The following SORCS2 variants were observed in gnomAD, a reference collection of about 807,000 sequenced individuals.
SORCS2 encodes the protein sortilin related VPS10 domain containing receptor 2.
SORCS2 carries 100 observed loss-of-function variants against 141.6 expected under a neutral mutation model. The ratio of observed to expected loss-of-function variants is 0.71; its 90% CI spans 0.60 to 0.83. SORCS2 has a LOEUF of 0.83. SORCS2 is among the 40% of genes least tolerant of loss of function. SORCS2 has a pLI of 0.00. For synonymous variants in SORCS2, 789 were observed against 676.9 expected, an observed-to-expected ratio of 1.17 and a Z score of -2.57; for missense variants, 1,646 against 1,560.2, an observed-to-expected ratio of 1.05 and a Z score of -0.93.
At chr4:7,250,314 G>A (rs1713407498) in intron 1 of SORCS2, among the ~76,000 whole-genome samples, 2 of 152,064 alleles carry the variant, frequency 1.3e-5, no homozygotes, top group Admixed American at 1.3e-4. Flanking sequence ...CCACCACCTG[G>A]GCCTCTTTGT....
chr4:7,393,883 A>C (rs1724025066), intron 1 of SORCS2, among the ~76,000 whole-genome samples: 1 of 152,174 alleles, frequency 6.6e-6, no homozygotes, highest in African/African-American at 2.4e-5. Context: ...TGCAGAGCCA[A>C]GCGTGGAACC....
intron 3 of SORCS2, among the ~76,000 whole-genome samples, chr4:7,561,674 A>C (rs1197937637): frequency 6.6e-6 from 1 of 151,858 alleles, no homozygotes; most frequent in Non-Finnish European, 1.5e-5. Flanking sequence ...CCATCTATCC[A>C]TCCACCTACC....
intron 1 of SORCS2, among the ~76,000 whole-genome samples, chr4:7,302,852 G>A (rs555485778): frequency 7.0e-4 from 106 of 151,670 alleles, no homozygotes; most frequent in African/African-American, 2.2e-3. Context: ...CAAGGGTATT[G>A]TATAGCATTT....
At chr4:7,637,882 T>C (rs1362481760) in intron 3 of SORCS2, among the ~76,000 whole-genome samples, 1 of 148,750 alleles carries the variant, frequency 6.7e-6, no homozygotes, top group Non-Finnish European at 1.5e-5. Flanking sequence ...ATGATTTGCA[T>C]TGAGCCGGCT....
At chr4:7,544,084 C>CATG (rs1713058984) in intron 3 of SORCS2, among the ~76,000 whole-genome samples, 2 of 149,508 alleles carry the variant, frequency 1.3e-5, no homozygotes, top group African/African-American at 2.5e-5. Flanking sequence ...ATCCATCCAT[C>CATG]CATCCACCCA....
chr4:7,406,124 G>T (rs975388564), intron 2 of SORCS2, among the ~76,000 whole-genome samples: 36 of 152,088 alleles, frequency 2.4e-4, no homozygotes, highest in Admixed American at 2.6e-4. Flanking sequence ...TCTTTGTGGT[G>T]TGTTGTTGGG....
intron 2 of SORCS2, chr4:7,435,073 C>G: frequency 1.6e-6 from 1 of 613,492 alleles, no homozygotes; most frequent in Non-Finnish European, 2.8e-6. Context: ...GGAACACTAT[C>G]CCTCCCCTCT....
chr4:7,460,073 C>T (rs1350733443), intron 2 of SORCS2: 2 of 134,984 alleles, frequency 1.5e-5, no homozygotes, highest in African/African-American at 5.9e-5. Flanking sequence ...TGGCGCTCCT[C>T]TACCTTGTCA....
At chr4:7,659,959 A>G (rs1481861254) in intron 5 of SORCS2, among the ~76,000 whole-genome samples, 1 of 152,216 alleles carries the variant, frequency 6.6e-6, no homozygotes, top group Non-Finnish European at 1.5e-5. Context: ...TACTAGCTTT[A>G]TGAGCTTTGA....
intron 2 of SORCS2, among the ~76,000 whole-genome samples, chr4:7,417,368 A>T (rs555910013): frequency 7.0e-4 from 107 of 152,278 alleles, no homozygotes; most frequent in African/African-American, 2.3e-3. Context: ...ACAGGATTGC[A>T]TATGGGCCAC....
chr4:7,272,963 C>T lies in SORCS2; in HGVS notation c.480+79837C>T, dbSNP rs542935712. On this transcript the variant is annotated intron_variant, in intron 1 of 26. Coordinates refer to ENST00000507866, the MANE Select transcript of SORCS2 (RefSeq NM_020777.3). ...TGTGTCCCACACAGTGGGCCCTGGA[C>T]CAATGTGGTGGAGTTCAGGGATTTG... is the stretch of plus-strand genomic sequence containing the variant. Among the ~76,000 whole-genome samples, 288 of 152,316 alleles carry T rather than the reference C, an allele frequency of 1.9e-3. 9 individuals are homozygous for T. Among genetic ancestry groups the T allele is most frequent in the Non-Finnish European group, 5.1e-4 (35 of 68,016 alleles).
At chr4:7,555,808 G>A (rs2109651173) in intron 3 of SORCS2, among the ~76,000 whole-genome samples, 1 of 152,298 alleles carries the variant, frequency 6.6e-6, no homozygotes, top group South Asian at 2.1e-4. Flanking sequence ...TAGGTGAAGG[G>A]AGCAGGTGCA....
intron 1 of SORCS2, among the ~76,000 whole-genome samples, chr4:7,391,693 C>T (rs539986058): frequency 6.6e-6 from 1 of 152,284 alleles, no homozygotes; most frequent in South Asian, 2.1e-4. Flanking sequence ...GTGGATCTAC[C>T]AGGACCAGGG....
intron 2 of SORCS2, among the ~76,000 whole-genome samples, chr4:7,447,156 T>C (rs553444064): frequency 1.3e-5 from 2 of 152,140 alleles, no homozygotes; most frequent in East Asian, 3.9e-4. Flanking sequence ...ATGGGCAGAG[T>C]TGGTTCCTTC....
intron 23 of SORCS2, among the ~76,000 whole-genome samples, chr4:7,731,002 A>G (rs1295219278): frequency 2.0e-5 from 3 of 152,244 alleles, no homozygotes; most frequent in African/African-American, 7.2e-5. Context: ...ACACTCCAGC[A>G]TGCCCACGTG....
chr4:7,597,665 C>T (rs374077326), intron 3 of SORCS2, among the ~76,000 whole-genome samples: 15 of 134,314 alleles, frequency 1.1e-4, no homozygotes, highest in African/African-American at 3.8e-4. Flanking sequence ...GGGGGCTCTG[C>T]CATAGAGGGA....
rs866965787 is a variant in SORCS2 at position 7,726,643 on chromosome 4, A to G, written c.2746-137A>G. The G allele has an allele frequency of 4.5e-6, 5 of 1,118,158 alleles. No individual in the cohort carries two copies. In the African/African-American group the frequency reaches 6.3e-5, roughly 14 times the overall value. 69.3% of individuals were successfully genotyped at this position (1,118,158 alleles called of 1,614,324 possible). On this transcript the variant is annotated intron_variant, in intron 20 of 26. Coordinates refer to ENST00000507866, the MANE Select transcript of SORCS2 (RefSeq NM_020777.3). ...CCTCCCTGGGTGCTGCCACCACAGG[A>G]TGTCCATAATGGGCCCATTTGCTGA...
intron 1 of SORCS2, among the ~76,000 whole-genome samples, chr4:7,194,395 G>A (rs1381757227): frequency 1.3e-5 from 2 of 152,198 alleles, no homozygotes; most frequent in Non-Finnish European, 2.9e-5. Context: ...ATTTGTGCTG[G>A]AGGAGGGATG....
Position 7,425,100 on chromosome 4 carries a change from G to C in SORCS2, c.548+28745G>C, listed in dbSNP as rs1726335354. Among the ~76,000 whole-genome samples the C allele has an allele frequency of 2.0e-5, 3 of 152,176 alleles. No individual in the cohort carries two copies. The South Asian group carries it at 6.2e-4, about 32-fold the overall frequency. On this transcript the variant is annotated intron_variant, in intron 2 of 26. Transcript: ENST00000507866. Reference sequence around the variant, plus strand: ...CACAGGCTGCAGGGGTGCCTCCCCTGTCCTGCTCTCTCCAGCCTCTCACGA... The same window carrying C: ...CACAGGCTGCAGGGGTGCCTCCCCTCTCCTGCTCTCTCCAGCCTCTCACGA...
Sources: gnomAD v4.1 joint callset for allele counts (sites outside exome capture counted in the v4.1 genomes callset) on GRCh38, gnomAD v4.1.1 for gene constraint, MANE v1.5 for transcripts, NCBI Gene and HGNC (gene_info 2026-07-23, HGNC 2026-07-21) for gene names.